APP: variants seen among roughly 807,000 people sequenced by gnomAD.
APP encodes amyloid-beta precursor protein.
A neutral mutation model predicts 101.4 loss-of-function variants in APP; 31 were observed. The observed-to-expected ratio is 0.31, with a 90% confidence interval of 0.23 to 0.41. The LOEUF is 0.41. Among genes scored for constraint, APP ranks in the 10% least tolerant of loss-of-function variants. The pLI is 1.00. For missense variants in APP, 839 were observed against 1,003.7 expected (o/e 0.84, Z 2.22); for synonymous variants, 366 against 364.4 (o/e 1.00, Z -0.05).
intron 3 of APP, 53 bp from the exon 4 acceptor site, chr21:26,053,401 T>C (rs2045916195): frequency 1.5e-6 from 2 of 1,291,130 alleles, no homozygotes; most frequent in Non-Finnish European, 1.1e-6. Context: ...ACAGTGTTCT[T>C]ACCGCAGAAG....
intron 11 of APP, among the ~76,000 whole-genome samples, chr21:25,971,451 T>C (rs2042030188): frequency 6.6e-6 from 1 of 152,222 alleles, no homozygotes; most frequent in African/African-American, 2.4e-5. Context: ...GCCCTGAATT[T>C]CCAGGTCATG....
chr21:26,105,526 A>T (rs1194407960), intron 2 of APP, among the ~76,000 whole-genome samples: 1 of 122,090 alleles, frequency 8.2e-6, no homozygotes, highest in African/African-American at 2.6e-5. Context: ...ACATGAAGTT[A>T]AAAAAAAAAG....
chr21:26,150,606 C>CAGATAGATAGATAGATAGATAGAT (rs775175694), intron 1 of APP, among the ~76,000 whole-genome samples: 5,471 of 148,592 alleles, frequency 0.037, 282 homozygotes, highest in African/African-American at 0.11. Flanking sequence ...TCTAGATAGA[C>CAGATAGATAGATAGATAGATAGAT]AGATAGATAG....
intron 8 of APP, among the ~76,000 whole-genome samples, chr21:25,991,625 G>A (rs545821572): frequency 1.8e-4 from 28 of 152,242 alleles, no homozygotes; most frequent in African/African-American, 6.0e-4. Flanking sequence ...TGATCTGCCC[G>A]CCTCGGCCTC....
chr21:26,086,925 T>C (rs2061717265), intron 3 of APP, among the ~76,000 whole-genome samples: 1 of 152,210 alleles, frequency 6.6e-6, no homozygotes, highest in Non-Finnish European at 1.5e-5. Flanking sequence ...CTGTGAGTTA[T>C]AGCAAGAAAT....
At chr21:26,082,423 G>A (rs181998007) in intron 3 of APP, among the ~76,000 whole-genome samples, 40 of 152,040 alleles carry the variant, frequency 2.6e-4, no homozygotes, top group African/African-American at 9.4e-4. Context: ...AAAGCAAAAA[G>A]TACTATGTGT....
intron 1 of APP, among the ~76,000 whole-genome samples, chr21:26,124,208 A>G (rs905644809): frequency 6.6e-6 from 1 of 152,194 alleles, no homozygotes. Context: ...AATACAAAAT[A>G]AATTCCACTT....
intron 13 of APP, among the ~76,000 whole-genome samples, chr21:25,923,307 G>A (rs1416099226): frequency 6.8e-6 from 1 of 146,788 alleles, no homozygotes; most frequent in Non-Finnish European, 1.5e-5. Flanking sequence ...TACCATTCAG[G>A]ACATAGGCGT....
At chr21:25,980,829 T>C (rs1358849571) in intron 9 of APP, among the ~76,000 whole-genome samples, 3 of 152,034 alleles carry the variant, frequency 2.0e-5, no homozygotes, top group Non-Finnish European at 2.9e-5. Context: ...GTTACTCAGC[T>C]CCCAAGAAGC....
Position 25,982,397 on chromosome 21 carries a change from A to G in APP, c.1171T>C (p.Phe391Leu). 6.2e-7 allele frequency: 1 copy of G among 1,613,730 alleles called. No individual in the cohort carries two copies. The highest frequency in any genetic ancestry group is 8.5e-7 in the Non-Finnish European group (1 of 1,179,758). ...TPGDENEHAHFQKAKERLEAK... is the reference protein window; with the variant it reads ...TPGDENEHAHLQKAKERLEAK... ...TCAAGCCTCTCTTTGGCTTTCTGGA[A>G]ATGGGCATGTTCATTCTCATCCCCA... Residue 391 changes from phenylalanine (F) to leucine (L), a missense_variant, in exon 9 of 18, where the codon TTC becomes CTC. Physicochemically the swap from Phe to Leu is conservative, Grantham distance 22. Transcript: ENST00000346798.
At chr21:26,112,256 T>A in intron 1 of APP, 110 bp from the exon 2 acceptor site, 1 of 1,192,128 alleles carries the variant, frequency 8.4e-7, no homozygotes, top group Non-Finnish European at 1.2e-6. Context: ...TCATTCTCAA[T>A]TAGGAATCAG....
At chr21:25,933,922 C>A (rs919446957) in intron 13 of APP, 3 of 152,010 alleles carry the variant, frequency 2.0e-5, no homozygotes, top group Non-Finnish European at 2.9e-5. Flanking sequence ...AAAACATAAC[C>A]GCATTATGGG....
At chr21:25,900,743 T>C (rs2038403231) in intron 15 of APP, among the ~76,000 whole-genome samples, 1 of 152,060 alleles carries the variant, frequency 6.6e-6, no homozygotes, top group Admixed American at 6.5e-5. Flanking sequence ...GGCTCACACC[T>C]GTAATCCCAG....
rs548768925 is a variant in APP, at chr21:26,153,184, A to G, written c.57+17380T>C. Reference sequence around the variant, plus strand: ...GGGACTAGGGATTAAAAGAAAAACTAGACATTAGGTACAAGGTACCCTACT... The same window carrying G: ...GGGACTAGGGATTAAAAGAAAAACTGGACATTAGGTACAAGGTACCCTACT... On this transcript the variant is annotated intron_variant, in intron 1 of 17. Transcript: ENST00000346798. Among the ~76,000 whole-genome samples the G allele has an allele frequency of 2.6e-5, 4 of 152,300 alleles. No homozygotes were observed. In the East Asian group the frequency reaches 5.8e-4, roughly 22 times the overall value.
At chr21:26,050,494 A>C (rs1330260973) in intron 5 of APP, among the ~76,000 whole-genome samples, 1 of 152,178 alleles carries the variant, frequency 6.6e-6, no homozygotes, top group South Asian at 2.1e-4. Context: ...GGTAGTTAAA[A>C]AAAATTAACA....
At chr21:26,121,491 G>T (rs151120093) in intron 1 of APP, among the ~76,000 whole-genome samples, 2 of 151,972 alleles carry the variant, frequency 1.3e-5, no homozygotes, top group East Asian at 3.9e-4. Context: ...TGGTTCAAGC[G>T]ATTCTCCTGC....
At chr21:26,045,864 C>T (rs1024086906) in intron 5 of APP, among the ~76,000 whole-genome samples, 12 of 152,138 alleles carry the variant, frequency 7.9e-5, no homozygotes, top group African/African-American at 2.9e-4. Flanking sequence ...TAAAGGCATA[C>T]CTGAGACTGG....
intron 1 of APP, among the ~76,000 whole-genome samples, chr21:26,135,333 C>T (rs539736395): frequency 5.3e-5 from 8 of 152,298 alleles, no homozygotes; most frequent in South Asian, 4.1e-4. Flanking sequence ...AAAACAGCCA[C>T]ATTATATGCA....
intron 1 of APP, among the ~76,000 whole-genome samples, chr21:26,127,377 G>C (rs188854688): frequency 2.4e-4 from 37 of 152,208 alleles, no homozygotes; most frequent in Admixed American, 2.2e-3. Flanking sequence ...CGGAGAAAAG[G>C]CTTAAAAACT....
Sources: allele counts gnomAD v4.1 joint callset (sites outside exome capture counted in the v4.1 genomes callset), GRCh38; gene constraint gnomAD v4.1.1; transcripts MANE v1.5; gene names NCBI Gene and HGNC (gene_info 2026-07-23, HGNC 2026-07-21).